Variants in ATP9A observed in about 807,000 individuals in gnomAD.
ATP9A encodes ATPase phospholipid transporting 9A.
In ATP9A, 52 loss-of-function variants were observed where a neutral mutation model predicts 144.1. The observed-to-expected ratio is 0.36, with a 90% CI of 0.29 to 0.45. The LOEUF is 0.45. Ranked by LOEUF, ATP9A falls within the 20% of genes least tolerant of loss-of-function variation. The probability of loss-of-function intolerance (pLI) is 1.00; values close to 1 mark genes in which losing one functional copy is unlikely to be tolerated. For missense variants in ATP9A, 947 were observed against 1,392.7 expected (o/e 0.68, Z 5.09); for synonymous variants, 582 against 557.4 (o/e 1.04, Z -0.62).
Position 51,671,256 on chromosome 20 carries a change from A to C in ATP9A, c.1039T>G (p.Leu347Val). The change falls in exon 12 of 28, where the codon TTG (leucine) becomes GTG (valine). Residue 347 changes from leucine (L) to valine (V), a missense_variant and splice_region_variant. Coordinates refer to ENST00000338821, the MANE Select transcript of ATP9A (RefSeq NM_006045.3). ...LLFSNIIPIS[L>V]RVNLDMGKIV... Reference sequence around the variant, plus strand: ...TTGCCCATGTCCAGGTTCACACGCAAACTAGGCACAAAACCAGAGCAAACA... The same window carrying C: ...TTGCCCATGTCCAGGTTCACACGCACACTAGGCACAAAACCAGAGCAAACA... 6.2e-7 allele frequency: 1 copy of C among 1,612,252 alleles called. No individual in the cohort carries two copies. Among genetic ancestry groups the C allele is most frequent in the Non-Finnish European group, 8.5e-7 (1 of 1,178,430 alleles).
intron 1 of ATP9A, among the ~76,000 whole-genome samples, chr20:51,751,614 A>G (rs1281253147): frequency 6.6e-6 from 1 of 151,612 alleles, no homozygotes; most frequent in African/African-American, 2.4e-5. Flanking sequence ...GTTTTGAGAC[A>G]GAGTCTCGCT....
chr20:51,680,075 TA>T (rs919819718), intron 9 of ATP9A, among the ~76,000 whole-genome samples: 2 of 151,702 alleles, frequency 1.3e-5, no homozygotes, highest in African/African-American at 4.8e-5. Flanking sequence ...ACTAAAAATA[TA>T]AAAATTATAC....
intron 1 of ATP9A, among the ~76,000 whole-genome samples, chr20:51,767,912 A>C (rs568411077): frequency 6.6e-6 from 1 of 152,300 alleles, no homozygotes; most frequent in Non-Finnish European, 1.5e-5. Context: ...GCTCGGTGTG[A>C]CACTGACCAA....
chr20:51,631,132 T>C (rs2077268205), intron 15 of ATP9A, among the ~76,000 whole-genome samples: 1 of 152,250 alleles, frequency 6.6e-6, no homozygotes, highest in Non-Finnish European at 1.5e-5. Flanking sequence ...ACTTTGTCTA[T>C]GCAGCCCTTT....
chr20:51,749,661 TG>T (rs979143327), intron 1 of ATP9A, among the ~76,000 whole-genome samples: 2 of 152,206 alleles, frequency 1.3e-5, no homozygotes, highest in African/African-American at 2.4e-5. Flanking sequence ...TAAAGATGCA[TG>T]GTTTTTTTGA....
chr20:51,663,214 T>C (rs1008387695), intron 13 of ATP9A, among the ~76,000 whole-genome samples: 1 of 152,116 alleles, frequency 6.6e-6, no homozygotes, highest in Non-Finnish European at 1.5e-5. Flanking sequence ...GAAAGGAATA[T>C]GATGGGTTCT....
At chr20:51,701,629 C>G (rs2077593482) in intron 4 of ATP9A, among the ~76,000 whole-genome samples, 2 of 152,160 alleles carry the variant, frequency 1.3e-5, no homozygotes, top group Admixed American at 6.5e-5. Context: ...CCCAACTGTC[C>G]ATCAGCCAAC....
chr20:51,649,282 C>G (rs2077354174), intron 14 of ATP9A, among the ~76,000 whole-genome samples: 1 of 152,086 alleles, frequency 6.6e-6, no homozygotes, highest in Non-Finnish European at 1.5e-5. Context: ...AGCCATCATC[C>G]CCTGGGGAGG....
chr20:51,712,886 G>T, intron 4 of ATP9A, 80 bp downstream of exon 4: 4 of 1,287,996 alleles, frequency 3.1e-6, no homozygotes, highest in Non-Finnish European at 4.4e-6. Context: ...CTGCGGCCCG[G>T]GCCTTGAACT....
intron 3 of ATP9A, among the ~76,000 whole-genome samples, chr20:51,719,240 A>G (rs1010369735): frequency 2.0e-5 from 3 of 152,100 alleles, no homozygotes; most frequent in Admixed American, 6.6e-5. Flanking sequence ...AGGTAATATG[A>G]AAGTCCCTCA....
At chr20:51,622,672 G>A (rs2077231728) in intron 18 of ATP9A, among the ~76,000 whole-genome samples, 2 of 152,150 alleles carry the variant, frequency 1.3e-5, no homozygotes, top group Non-Finnish European at 2.9e-5. Flanking sequence ...TCCGTATCGT[G>A]CATTAGCTCA....
chr20:51,684,612 C>T (rs1244146780), intron 9 of ATP9A, among the ~76,000 whole-genome samples: 2 of 147,026 alleles, frequency 1.4e-5, no homozygotes, highest in African/African-American at 2.5e-5. Context: ...AGGAGAATGG[C>T]GTGAACCCGG....
chr20:51,657,322 T>C (rs1179893416), intron 13 of ATP9A, among the ~76,000 whole-genome samples, 172 bp from the exon 14 acceptor site: 2 of 151,744 alleles, frequency 1.3e-5, no homozygotes, highest in African/African-American at 4.8e-5. Flanking sequence ...TCAGGGTTTG[T>C]CATTTATGCT....
At chr20:51,695,362 C>T (rs2077566064) in intron 6 of ATP9A, among the ~76,000 whole-genome samples, 1 of 149,886 alleles carries the variant, frequency 6.7e-6, no homozygotes, top group Non-Finnish European at 1.5e-5. Context: ...GCACGGGAGG[C>T]TGAGGCAGGA....
intron 1 of ATP9A, chr20:51,734,886 C>A (rs1258971549): frequency 4.6e-6 from 1 of 216,418 alleles, no homozygotes; most frequent in African/African-American, 2.3e-5. Context: ...CAGCAAAATT[C>A]ATCGACTTGC....
chr20:51,620,098 G>C (rs1601060973), intron 19 of ATP9A, among the ~76,000 whole-genome samples: 1 of 152,118 alleles, frequency 6.6e-6, no homozygotes, highest in Non-Finnish European at 1.5e-5. Flanking sequence ...CACCTAGCAG[G>C]GACTGGGCCA....
intron 1 of ATP9A, among the ~76,000 whole-genome samples, chr20:51,747,098 G>GTTT (rs11467381): frequency 0.038 from 5,255 of 138,570 alleles, 146 homozygotes; most frequent in East Asian, 0.056. Context: ...TGGGTTTTTC[G>GTTT]TTTTTTTTTT....
chr20:51,700,242 C>T (rs542483388), intron 4 of ATP9A, among the ~76,000 whole-genome samples: 19 of 152,094 alleles, frequency 1.2e-4, no homozygotes, highest in Admixed American at 2.6e-4. Context: ...GTAAAGAGGC[C>T]GGACACAGTG....
At chr20:51,708,496 A>G (rs1481725432) in intron 4 of ATP9A, among the ~76,000 whole-genome samples, 1 of 151,842 alleles carries the variant, frequency 6.6e-6, no homozygotes, top group African/African-American at 2.4e-5. Flanking sequence ...GACCTTTGGG[A>G]GGCCGAGGCG....
Sources: gnomAD v4.1 joint callset for allele counts (sites outside exome capture counted in the v4.1 genomes callset) on GRCh38, gnomAD v4.1.1 for gene constraint, MANE v1.5 for transcripts, NCBI Gene and HGNC (gene_info 2026-07-23, HGNC 2026-07-21) for gene names.